TMEM232: variants seen among roughly 807,000 people sequenced by gnomAD.
The protein encoded by TMEM232 is transmembrane protein 232.
In TMEM232, 80 loss-of-function variants were observed where a neutral mutation model predicts 78.8. That is an observed-to-expected ratio of 1.01 (90% CI 0.85 to 1.22). The LOEUF is 1.22. TMEM232 is among the 50% of genes most tolerant of loss of function. The pLI, the probability that TMEM232 is intolerant of heterozygous loss-of-function variation, is 0.00. For synonymous variants in TMEM232, 297 were observed against 254.3 expected (o/e 1.17, Z -1.60); for missense variants, 881 against 742.2 (o/e 1.19, Z -2.17).
At chr5:110,726,108 T>TCA (rs3985014) in intron 1 of TMEM232, among the ~76,000 whole-genome samples, 13,615 of 144,448 alleles carry the variant, frequency 0.094, 835 homozygotes, top group African/African-American at 0.19. Flanking sequence ...CCTCTCTCTT[T>TCA]CACACACACA....
intron 12 of TMEM232, among the ~76,000 whole-genome samples, chr5:110,453,847 T>C (rs1266721430): frequency 1.4e-5 from 2 of 147,582 alleles, no homozygotes; most frequent in African/African-American, 4.9e-5. Flanking sequence ...AAAAGACCAA[T>C]GTTATAAGAC....
chr5:110,530,880 A>C (rs1256917006), intron 11 of TMEM232, among the ~76,000 whole-genome samples: 1 of 152,128 alleles, frequency 6.6e-6, no homozygotes, highest in Non-Finnish European at 1.5e-5. Flanking sequence ...AGAAATAATA[A>C]CTATATGAGG....
At chr5:110,582,211 T>C (rs1031283409) in intron 10 of TMEM232, among the ~76,000 whole-genome samples, 4 of 151,918 alleles carry the variant, frequency 2.6e-5, no homozygotes, top group African/African-American at 4.8e-5. Context: ...CATGCACTTG[T>C]ACATTCATTG....
rs1319901459 is a variant in TMEM232, at chr5:110,618,541, G to A, written c.790C>T (p.Leu264=). Residue 264 remains leucine, a synonymous_variant, in exon 8 of 14, where the codon CTG becomes TTG. Coordinates refer to ENST00000455884, the MANE Select transcript of TMEM232 (RefSeq NM_001039763.4). Reference sequence around the variant, plus strand: ...CAAGCAGCAACACAGTGCCAGAGCAGGTGGTTAATTTCATATCCTCCCTGA... The same window carrying A: ...CAAGCAGCAACACAGTGCCAGAGCAAGTGGTTAATTTCATATCCTCCCTGA... ...SDMGGYEINH[L]LWHCVAAWSC... is the part of the protein sequence containing the mutation. The A allele has an allele frequency of 6.5e-7, 1 of 1,548,988 alleles. No homozygotes were observed. Among genetic ancestry groups the A allele is most frequent in the East Asian group, 2.4e-5 (1 of 40,856 alleles).
chr5:110,472,689 A>G (rs773057413), intron 12 of TMEM232, among the ~76,000 whole-genome samples: 2 of 151,976 alleles, frequency 1.3e-5, no homozygotes, highest in South Asian at 2.1e-4. Context: ...CAAAGCTATA[A>G]TAACAAAAAA....
At chr5:110,642,527 T>C (rs1314935079) in intron 2 of TMEM232, among the ~76,000 whole-genome samples, 156 bp from the exon 3 acceptor site, 2 of 152,256 alleles carry the variant, frequency 1.3e-5, no homozygotes, top group East Asian at 1.9e-4. Context: ...AAAAGATACA[T>C]GCAAGCCTCC....
chr5:110,509,416 T>C (rs551660758), intron 12 of TMEM232, among the ~76,000 whole-genome samples: 25 of 152,138 alleles, frequency 1.6e-4, no homozygotes, highest in Middle Eastern at 3.4e-3. Context: ...GCCTGGGCAA[T>C]AGAGCAAGAC....
chr5:110,721,218 C>A (rs1052280399), intron 1 of TMEM232, among the ~76,000 whole-genome samples: 3 of 152,042 alleles, frequency 2.0e-5, no homozygotes, highest in African/African-American at 7.2e-5. Context: ...GTCTTTTACA[C>A]TCAATATAAA....
chr5:110,699,729 C>G (rs1374994142), intron 1 of TMEM232, among the ~76,000 whole-genome samples: 1 of 152,066 alleles, frequency 6.6e-6, no homozygotes, highest in Non-Finnish European at 1.5e-5. Context: ...GCTTCTTGAA[C>G]CTTCCTCTCA....
intron 1 of TMEM232, among the ~76,000 whole-genome samples, chr5:110,692,972 G>A (rs924939002): frequency 9.2e-5 from 14 of 152,310 alleles, no homozygotes; most frequent in Middle Eastern, 3.4e-3. Flanking sequence ...CTCCCAGCAC[G>A]CAGTTCGAGA....
At chr5:110,714,333 A>G (rs866578748) in intron 1 of TMEM232, among the ~76,000 whole-genome samples, 1 of 152,176 alleles carries the variant, frequency 6.6e-6, no homozygotes. Context: ...TGGTAACTAC[A>G]TATTTGCTTT....
In TMEM232 at chr5:110,625,613, G is replaced by C. The variant is rs1405418606; in HGVS notation, c.602-180C>G. ...CTGGTGGTATAATAGAATACTAGAC[G>C]GTAAATAATTTATACGTAAGAGTTT... On this transcript the variant is annotated intron_variant, in intron 6 of 13. Transcript: ENST00000455884. The C allele has an allele frequency of 2.0e-5, 8 of 404,476 alleles. No homozygotes were observed. The Admixed American group carries it at 3.6e-4, about 18-fold the overall frequency. The allele number at this position is 404,476 out of a possible 1,614,324, so 25.1% of individuals were successfully genotyped here.
At chr5:110,717,970 T>C (rs908926455) in intron 1 of TMEM232, among the ~76,000 whole-genome samples, 1 of 152,166 alleles carries the variant, frequency 6.6e-6, no homozygotes, top group African/African-American at 2.4e-5. Context: ...ACAAGGTCTT[T>C]AACTTAGTTC....
At chr5:110,575,099 C>G (rs945351669) in intron 10 of TMEM232, among the ~76,000 whole-genome samples, 4 of 151,738 alleles carry the variant, frequency 2.6e-5, no homozygotes, top group Admixed American at 1.3e-4. Context: ...TAGCAGGATA[C>G]AAAGAATTCT....
At chr5:110,693,249 T>C (rs1318327109) in intron 1 of TMEM232, among the ~76,000 whole-genome samples, 1 of 152,210 alleles carries the variant, frequency 6.6e-6, no homozygotes, top group Non-Finnish European at 1.5e-5. Flanking sequence ...GGGTACTGAC[T>C]GTTAGAAGGA....
intron 2 of TMEM232, among the ~76,000 whole-genome samples, chr5:110,406,261 T>TAC (rs763984190): frequency 7.5e-5 from 4 of 53,394 alleles, no homozygotes; most frequent in South Asian, 9.3e-4. Flanking sequence ...GACACAGATA[T>TAC]ATATACACAC....
intron 5 of TMEM232, chr5:110,628,949 T>G (rs979524619): frequency 2.0e-5 from 3 of 152,030 alleles, no homozygotes; most frequent in African/African-American, 7.2e-5. Flanking sequence ...TAATAAATTT[T>G]GAGAATGCAT....
At chr5:110,651,868 T>C (rs1308738350) in intron 2 of TMEM232, among the ~76,000 whole-genome samples, 2 of 152,150 alleles carry the variant, frequency 1.3e-5, no homozygotes, top group African/African-American at 2.4e-5. Context: ...CTAAAGCCTA[T>C]AAAAATCTGC....
At chr5:110,428,951 A>T (rs1175523245) in intron 12 of TMEM232, among the ~76,000 whole-genome samples, 2 of 151,810 alleles carry the variant, frequency 1.3e-5, no homozygotes, top group Non-Finnish European at 2.9e-5. Flanking sequence ...TAAATAACTC[A>T]TTTCAGAAAA....
Sources: allele counts gnomAD v4.1 joint callset (sites outside exome capture counted in the v4.1 genomes callset), GRCh38; gene constraint gnomAD v4.1.1; transcripts MANE v1.5; gene names NCBI Gene and HGNC (gene_info 2026-07-23, HGNC 2026-07-21).